The following RAPGEF5 variants were observed in gnomAD, a reference collection of about 807,000 sequenced individuals.
The protein encoded by RAPGEF5 is M-Ras-regulated GEF.
Under a neutral mutation model 125.2 loss-of-function variants are expected in RAPGEF5, and 65 were observed. The observed-to-expected ratio is 0.52, with a 90% CI of 0.43 to 0.64. The LOEUF is 0.64. RAPGEF5 is among the 30% of genes least tolerant of loss of function. RAPGEF5 has a pLI of 0.00. For missense variants in RAPGEF5, 958 were observed against 1,048.1 expected (o/e 0.91, Z 1.19); for synonymous variants, 391 against 385.9 (o/e 1.01, Z -0.16).
chr7:22,224,659 G>A (rs925680636), intron 8 of RAPGEF5, among the ~76,000 whole-genome samples: 1 of 152,090 alleles, frequency 6.6e-6, no homozygotes, highest in Non-Finnish European at 1.5e-5. Context: ...GGCCCAGACA[G>A]TGGTGGGACA....
intron 5 of RAPGEF5, among the ~76,000 whole-genome samples, chr7:22,292,196 C>T (rs1465160232): frequency 6.6e-6 from 1 of 152,178 alleles, no homozygotes; most frequent in Non-Finnish European, 1.5e-5. Context: ...TCAGCTGCAA[C>T]GCCAGCCTTA....
At chr7:22,313,236 C>T (rs1017536680) in intron 3 of RAPGEF5, among the ~76,000 whole-genome samples, 1 of 152,170 alleles carries the variant, frequency 6.6e-6, no homozygotes, top group Non-Finnish European at 1.5e-5. Context: ...AGTAATGCTA[C>T]AATAATCTTT....
chr7:22,156,928 C>G, intron 15 of RAPGEF5, 40 bp from the exon 16 acceptor site: 1 of 1,611,378 alleles, frequency 6.2e-7, no homozygotes, highest in Non-Finnish European at 8.5e-7. Flanking sequence ...TGAATACATT[C>G]CTGCCCTTTG....
chr7:22,289,840 A>G (rs1038283715), intron 6 of RAPGEF5, among the ~76,000 whole-genome samples: 27 of 152,096 alleles, frequency 1.8e-4, no homozygotes, highest in African/African-American at 6.0e-4. Context: ...GAGTTCTCAC[A>G]AGATCTGATG....
At chr7:22,322,045 T>C (rs920701074) in intron 1 of RAPGEF5, among the ~76,000 whole-genome samples, 2 of 152,156 alleles carry the variant, frequency 1.3e-5, no homozygotes, top group Non-Finnish European at 1.5e-5. Context: ...CATCACTCTA[T>C]GATAACATGC....
At chr7:22,288,473 C>T (rs187683158) in intron 6 of RAPGEF5, among the ~76,000 whole-genome samples, 1 of 151,508 alleles carries the variant, frequency 6.6e-6, no homozygotes, top group Admixed American at 6.6e-5. Context: ...TATCTCACTC[C>T]TCCACCTTTA....
At chr7:22,186,124 A>G (rs1030089682) in intron 11 of RAPGEF5, among the ~76,000 whole-genome samples, 2 of 152,152 alleles carry the variant, frequency 1.3e-5, no homozygotes, top group African/African-American at 4.8e-5. Context: ...ACAGTTTCTT[A>G]AAGCTGAAAA....
At chr7:22,256,779 C>T (rs1228377150) in intron 7 of RAPGEF5, among the ~76,000 whole-genome samples, 3 of 152,190 alleles carry the variant, frequency 2.0e-5, no homozygotes, top group Non-Finnish European at 4.4e-5. Flanking sequence ...TCCCAAGACA[C>T]TAATGAGCCA....
At chr7:22,230,790 T>C in intron 8 of RAPGEF5, 56 bp downstream of exon 8, 2 of 1,464,372 alleles carry the variant, frequency 1.4e-6, no homozygotes, top group Non-Finnish European at 1.9e-6. Flanking sequence ...CTGCACTGTC[T>C]CACCACCCTC....
At chr7:22,200,967 G>A (rs149888248) in intron 9 of RAPGEF5, among the ~76,000 whole-genome samples, 174 of 152,302 alleles carry the variant, frequency 1.1e-3, no homozygotes, top group Middle Eastern at 3.4e-3. Context: ...ATACTGGCAG[G>A]AAAATGCACA....
At chr7:22,237,932 G>C (rs1175114375) in intron 7 of RAPGEF5, among the ~76,000 whole-genome samples, 4 of 152,186 alleles carry the variant, frequency 2.6e-5, no homozygotes, top group Non-Finnish European at 5.9e-5. Flanking sequence ...TTTGTGGGGA[G>C]GGGGTTAACA....
chr7:22,288,680 G>A (rs1782858008), intron 6 of RAPGEF5, among the ~76,000 whole-genome samples: 2 of 151,922 alleles, frequency 1.3e-5, no homozygotes, highest in African/African-American at 4.8e-5. Context: ...CCGCCACCAC[G>A]CCCAGCTAAT....
chr7:22,326,515 C>T lies in RAPGEF5; in HGVS notation c.232-8478G>A, dbSNP rs118174935. Among the ~76,000 whole-genome samples, 670 of 152,278 alleles carry T rather than the reference C, an allele frequency of 4.4e-3. 10 individuals carry two copies. The East Asian group carries it at 0.052, about 12-fold the overall frequency. On this transcript the variant is annotated intron_variant, in intron 1 of 25. Transcript: ENST00000665637. ...GTTGGCCAATCCTGGTCTCGATTAT[C>T]AAACTTTAAAGAACAGGAAGAGCTG... is the stretch of plus-strand genomic sequence containing the variant.
At chr7:22,328,574 C>T (rs1783856997) in intron 1 of RAPGEF5, among the ~76,000 whole-genome samples, 2 of 152,222 alleles carry the variant, frequency 1.3e-5, no homozygotes, top group African/African-American at 4.8e-5. Context: ...TAAACGTATA[C>T]TATACCTACA....
chr7:22,236,028 C>T (rs1451006817), intron 7 of RAPGEF5, among the ~76,000 whole-genome samples: 2 of 152,034 alleles, frequency 1.3e-5, no homozygotes, highest in Non-Finnish European at 2.9e-5. Flanking sequence ...ATAACCTGGC[C>T]CATCCAGTGC....
intron 1 of RAPGEF5, among the ~76,000 whole-genome samples, chr7:22,321,845 T>C (rs2528923): frequency 6.6e-6 from 1 of 152,214 alleles, no homozygotes. Context: ...ATAAAGGCTA[T>C]GATCTATTAA....
intron 8 of RAPGEF5, among the ~76,000 whole-genome samples, chr7:22,226,979 A>G (rs986597584): frequency 6.6e-6 from 1 of 152,128 alleles, no homozygotes; most frequent in Non-Finnish European, 1.5e-5. Context: ...TTTTGTATTT[A>G]GAAAATTATC....
intron 5 of RAPGEF5, among the ~76,000 whole-genome samples, chr7:22,301,926 G>C (rs913317103): frequency 6.6e-6 from 1 of 152,158 alleles, no homozygotes; most frequent in Non-Finnish European, 1.5e-5. Context: ...CGACTTGCCA[G>C]CTTGTTATCT....
At chr7:22,307,799 G>C (rs547828820) in intron 5 of RAPGEF5, among the ~76,000 whole-genome samples, 3 of 152,120 alleles carry the variant, frequency 2.0e-5, no homozygotes, top group Non-Finnish European at 4.4e-5. Flanking sequence ...CTATCACCAT[G>C]GATAAACAAA....
Sources: allele counts gnomAD v4.1 joint callset (sites outside exome capture counted in the v4.1 genomes callset), GRCh38; gene constraint gnomAD v4.1.1; transcripts MANE v1.5; gene names NCBI Gene and HGNC (gene_info 2026-07-23, HGNC 2026-07-21).